The following CPEB3 variants were observed in gnomAD, a reference collection of about 807,000 sequenced individuals.
CPEB3 encodes the protein cytoplasmic polyadenylation element binding protein 3, also known as cytoplasmic polyadenylation element-binding protein 3.
A neutral mutation model predicts 67.2 loss-of-function variants in CPEB3; 20 were observed. The ratio of observed to expected loss-of-function variants is 0.30; its 90% confidence interval spans 0.21 to 0.43. The LOEUF is 0.43. Among genes scored for constraint, CPEB3 ranks in the 20% least tolerant of loss-of-function variants. The pLI is 1.00. For missense variants in CPEB3, 746 were observed against 968.6 expected, an observed-to-expected ratio of 0.77 and a Z score of 3.05; for synonymous variants, 376 against 393.1, an observed-to-expected ratio of 0.96 and a Z score of 0.51.
intron 2 of CPEB3, among the ~76,000 whole-genome samples, chr10:92,228,591 T>A (rs1851100471): frequency 6.6e-6 from 1 of 152,114 alleles, no homozygotes; most frequent in African/African-American, 2.4e-5. Context: ...CCCTACCGCA[T>A]CTTTAAGGTA....
chr10:92,115,059 C>G lies in CPEB3; in HGVS notation c.1454-3865G>C, dbSNP rs1299519366. Among the ~76,000 whole-genome samples the G allele has an allele frequency of 2.0e-5, 3 of 152,322 alleles. No individual in the cohort carries two copies. In the East Asian group the frequency reaches 5.8e-4, roughly 29 times the overall value. ...TTCTCCGCCCCGGCGGCCGCGGGCGCGGGGGACGTCAGCGCTGCCAGTGTG... is the reference window on the plus strand; with the variant it reads ...TTCTCCGCCCCGGCGGCCGCGGGCGGGGGGGACGTCAGCGCTGCCAGTGTG... On this transcript the variant is annotated intron_variant, in intron 6 of 9. Transcript: ENST00000265997.
At chr10:92,246,722 A>G (rs1173344103) in intron 1 of CPEB3, among the ~76,000 whole-genome samples, 5 of 151,950 alleles carry the variant, frequency 3.3e-5, no homozygotes, top group Non-Finnish European at 7.4e-5. Flanking sequence ...GTCAGCCAGG[A>G]GTGTCTTGAT....
At chr10:92,190,845 A>C (rs968655264) in intron 3 of CPEB3, among the ~76,000 whole-genome samples, 10 of 152,102 alleles carry the variant, frequency 6.6e-5, no homozygotes, top group African/African-American at 1.7e-4. Flanking sequence ...AAAGACTCTC[A>C]CTGTTAATTT....
At chr10:92,086,296 T>C (rs1234587171) in intron 8 of CPEB3, among the ~76,000 whole-genome samples, 1 of 152,216 alleles carries the variant, frequency 6.6e-6, no homozygotes, top group Non-Finnish European at 1.5e-5. Flanking sequence ...TTTACCACAA[T>C]TGTCAAGTTG....
chr10:92,148,353 AC>A (rs1406879702), intron 4 of CPEB3, among the ~76,000 whole-genome samples: 1 of 152,106 alleles, frequency 6.6e-6, no homozygotes, highest in African/African-American at 2.4e-5. Context: ...AAACAAACAT[AC>A]CCTTTTCAAC....
intron 1 of CPEB3, among the ~76,000 whole-genome samples, chr10:92,288,601 A>AT (rs1330098793): frequency 6.6e-6 from 1 of 152,130 alleles, no homozygotes; most frequent in Admixed American, 6.5e-5. Flanking sequence ...CAGTAACAGG[A>AT]TTTTTTTCTA....
At chr10:92,278,976 T>C (rs1245483254) in intron 1 of CPEB3, among the ~76,000 whole-genome samples, 2 of 152,162 alleles carry the variant, frequency 1.3e-5, no homozygotes, top group Non-Finnish European at 2.9e-5. Context: ...GATCATTTCA[T>C]CTACAAATAG....
At chr10:92,272,958 A>G (rs1381819760) in intron 1 of CPEB3, among the ~76,000 whole-genome samples, 1 of 152,194 alleles carries the variant, frequency 6.6e-6, no homozygotes, top group African/African-American at 2.4e-5. Context: ...GCCAAATATG[A>G]CACTGGTAAG....
At chr10:92,067,282 C>T (rs539162448) in intron 9 of CPEB3, among the ~76,000 whole-genome samples, 131 of 152,038 alleles carry the variant, frequency 8.6e-4, no homozygotes, top group African/African-American at 3.0e-3. Flanking sequence ...GGGTGGATCA[C>T]CTGAGGTCAG....
At chr10:92,275,537 T>C (rs1045331257) in intron 1 of CPEB3, among the ~76,000 whole-genome samples, 11 of 152,218 alleles carry the variant, frequency 7.2e-5, no homozygotes, top group Admixed American at 7.2e-4. Context: ...ATAACAGCTT[T>C]ATGGAGCTAT....
At chr10:92,055,138 A>G (rs961252805) in intron 9 of CPEB3, among the ~76,000 whole-genome samples, 1 of 152,256 alleles carries the variant, frequency 6.6e-6, no homozygotes, top group Non-Finnish European at 1.5e-5. Flanking sequence ...CTTAACAAAC[A>G]TATGTAAGGT....
At chr10:92,203,606 C>T (rs925508455) in intron 2 of CPEB3, among the ~76,000 whole-genome samples, 3 of 150,732 alleles carry the variant, frequency 2.0e-5, no homozygotes, top group South Asian at 2.1e-4. Flanking sequence ...TTAGTACAGA[C>T]GAGGTTTCAC....
intron 6 of CPEB3, among the ~76,000 whole-genome samples, chr10:92,116,262 A>T (rs74797069): frequency 0.026 from 3,649 of 138,782 alleles, 54 homozygotes; most frequent in African/African-American, 0.039. Flanking sequence ...TAAAAAAAAA[A>T]AAAAATAATA....
chr10:92,256,365 C>A (rs1332484541), intron 1 of CPEB3, among the ~76,000 whole-genome samples: 1 of 151,924 alleles, frequency 6.6e-6, no homozygotes, highest in Non-Finnish European at 1.5e-5. Context: ...TTTTCCCTTG[C>A]CATGAGGATA....
intron 6 of CPEB3, among the ~76,000 whole-genome samples, chr10:92,133,179 A>G (rs1328043058): frequency 6.6e-6 from 1 of 152,040 alleles, no homozygotes; most frequent in Non-Finnish European, 1.5e-5. Flanking sequence ...GAGCAGAACT[A>G]AAGGAGATAG....
At chr10:92,259,740 A>C (rs1487809786) in intron 1 of CPEB3, among the ~76,000 whole-genome samples, 1 of 152,198 alleles carries the variant, frequency 6.6e-6, no homozygotes, top group Admixed American at 6.6e-5. Context: ...ACTGCAACTT[A>C]TCTTTTTTTC....
chr10:92,102,956 G>A (rs1028087430), intron 7 of CPEB3, among the ~76,000 whole-genome samples: 76 of 152,244 alleles, frequency 5.0e-4, no homozygotes, highest in African/African-American at 1.8e-3. Flanking sequence ...CCATATATTT[G>A]TGTGGATCCC....
At chr10:92,197,919 C>CA (rs1849317247) in intron 2 of CPEB3, among the ~76,000 whole-genome samples, 1 of 152,048 alleles carries the variant, frequency 6.6e-6, no homozygotes, top group African/African-American at 2.4e-5. Flanking sequence ...CCAGCCTGGC[C>CA]AACATAGTGA....
chr10:92,210,808 C>T (rs925628215), intron 2 of CPEB3, among the ~76,000 whole-genome samples: 7 of 151,284 alleles, frequency 4.6e-5, no homozygotes, highest in Admixed American at 1.3e-4. Flanking sequence ...GAGGCCAAGG[C>T]GGGCGGATTA....
Sources: allele counts gnomAD v4.1 joint callset (sites outside exome capture counted in the v4.1 genomes callset), GRCh38; gene constraint gnomAD v4.1.1; transcripts MANE v1.5; gene names NCBI Gene and HGNC (gene_info 2026-07-23, HGNC 2026-07-21).